Variants in PTCH1 observed in about 807,000 individuals in gnomAD.
PTCH1 encodes the protein protein patched homolog 1.
Under a neutral mutation model 144.6 loss-of-function variants are expected in PTCH1, and 14 were observed. The observed-to-expected ratio is 0.10, with a 90% CI of 0.06 to 0.15. The LOEUF (loss-of-function observed/expected upper bound fraction) is 0.15, where lower values mean the gene tolerates loss of function less well. Among genes scored for constraint, PTCH1 ranks in the 10% least tolerant of loss-of-function variants. PTCH1 has a pLI of 1.00. For synonymous variants in PTCH1, 833 were observed against 793.6 expected, an observed-to-expected ratio of 1.05 and a Z score of -0.83; for missense variants, 1,623 against 1,948.3, an observed-to-expected ratio of 0.83 and a Z score of 3.14.
chr9:95,508,132 A>G, intron 1 of PTCH1, 29 bp downstream of exon 1: 1 of 1,611,558 alleles, frequency 6.2e-7, no homozygotes, highest in Non-Finnish European at 8.5e-7. Flanking sequence ...GAGGGAAGAG[A>G]AAGTGGGAGG....
rs998007193 is a variant in PTCH1, at chr9:95,443,296, A to C, written c.*3097T>G. ...TAAAACTCTCTCCATCAGATAGAGC[A>C]AAAAAGAAGAGTGTCACAAGGTCAG... On this transcript the variant is annotated 3_prime_UTR_variant, in exon 24 of 24. Transcript: ENST00000331920. 2 of 152,318 alleles carry C rather than the reference A, an allele frequency of 1.3e-5. No individual in the cohort carries two copies. Among genetic ancestry groups the C allele is most frequent in the African/African-American group, 4.8e-5 (2 of 41,456 alleles). 9.4% of individuals were successfully genotyped at this position (152,318 alleles called of 1,614,324 possible). A position where few individuals can be genotyped will look rare whatever the true frequency, so the allele number is the denominator to read the frequency against.
intron 8 of PTCH1, 42 bp from the exon 9 acceptor site, chr9:95,478,228 C>A (rs775529475): frequency 1.4e-5 from 22 of 1,613,728 alleles, no homozygotes; most frequent in Non-Finnish European, 1.8e-5. Flanking sequence ...ATGCAATGAA[C>A]ACTTCCACAA....
chr9:95,512,807 C>A (rs1388783155), upstream of PTCH1, among the ~76,000 whole-genome samples: 2 of 152,202 alleles, frequency 1.3e-5, no homozygotes, highest in Non-Finnish European at 2.9e-5. Flanking sequence ...CTCTGGCACC[C>A]CTTGTGACAG....
Position 95,471,305 on chromosome 9 carries a change from G to A in PTCH1, c.1729-1374C>T, listed in dbSNP as rs546926340. 2.6e-5 allele frequency among the ~76,000 whole-genome samples: 4 copies of A among 152,326 alleles called. No individual in the cohort carries two copies. The South Asian group carries it at 6.2e-4, about 24-fold the overall frequency. On this transcript the variant is annotated intron_variant, in intron 12 of 23. Transcript: ENST00000331920. ...AACCAGCAAGCCTGAGTTCCGGAGA[G>A]ATGTCTTCCAATAATTAATTCCCTC...
intron 1 of PTCH1, among the ~76,000 whole-genome samples, chr9:95,514,810 G>C (rs758414412): frequency 5.1e-4 from 77 of 152,172 alleles, no homozygotes; most frequent in Non-Finnish European, 4.7e-4. Flanking sequence ...TGTTCAAATA[G>C]CTTCAAAGAT....
chr9:95,497,870 G>GGCTC (rs1224939238), intron 2 of PTCH1, among the ~76,000 whole-genome samples: 2 of 152,032 alleles, frequency 1.3e-5, no homozygotes, highest in Non-Finnish European at 2.9e-5. Flanking sequence ...ACCACCACTG[G>GGCTC]GCTCACTACA....
At chr9:95,502,252 C>T (rs1345254602) in intron 2 of PTCH1, among the ~76,000 whole-genome samples, 1 of 152,236 alleles carries the variant, frequency 6.6e-6, no homozygotes, top group Non-Finnish European at 1.5e-5. Flanking sequence ...GATTTTCCTG[C>T]CATCTTGGCA....
At position 95,449,827 on chromosome 9, in the gene PTCH1, G is replaced by A. The variant is rs753297713; in HGVS notation, c.3549+14C>T. The A allele has an allele frequency of 2.7e-5, 43 of 1,602,600 alleles. No homozygotes were observed. Among genetic ancestry groups the A allele is most frequent in the South Asian group, 4.4e-5 (4 of 90,792 alleles). ...GCCGGCCTACACGTGGGACATCCCC[G>A]TGTCACTACTGACCTCAGGATATGG... On this transcript the variant is annotated intron_variant, in intron 21 of 23. Coordinates refer to ENST00000331920, the MANE Select transcript of PTCH1 (RefSeq NM_000264.5). The surrounding 1 kb of genome is among the most constrained non-coding windows in gnomAD (Gnocchi z 5.3).
At chr9:95,460,607 GGAGA>G (rs1343723249) in intron 16 of PTCH1, among the ~76,000 whole-genome samples, 1 of 152,170 alleles carries the variant, frequency 6.6e-6, no homozygotes, top group African/African-American at 2.4e-5. Context: ...GAAGGAGCAG[GGAGA>G]GAGTGAGAGA....
chr9:95,444,322 GGAGC>G lies in PTCH1; in HGVS notation c.*2067_*2070del, dbSNP rs1393547389. The G allele has an allele frequency of 1.3e-5, 2 of 152,264 alleles. No individual in the cohort carries two copies. Among genetic ancestry groups the G allele is most frequent in the Non-Finnish European group, 2.9e-5 (2 of 68,162 alleles). 9.4% of individuals were successfully genotyped at this position (152,264 alleles called of 1,614,324 possible). On this transcript the variant is annotated 3_prime_UTR_variant, in exon 24 of 24. Coordinates refer to ENST00000331920, the MANE Select transcript of PTCH1 (RefSeq NM_000264.5). ...CGCAACACGAGCTGGGCTCAGGAAG[GGAGC>G]GAGGGCACGCCAGGAGCCAGAGGGA...
At chr9:95,460,260 T>G (rs1839346547) in intron 16 of PTCH1, among the ~76,000 whole-genome samples, 1 of 152,204 alleles carries the variant, frequency 6.6e-6, no homozygotes, top group Admixed American at 6.5e-5. Context: ...ACTAGCCTCC[T>G]ATGACCTGTG....
rs535776134 is a variant in PTCH1, at chr9:95,470,812, C to T, written c.1729-881G>A. Among the ~76,000 whole-genome samples the T allele has an allele frequency of 1.4e-4, 22 of 152,198 alleles. 1 individual carries two copies. The highest frequency in any genetic ancestry group is 4.3e-4 in the African/African-American group (18 of 41,558). ...AAACGAGGCCAGGCGCGGTGGCTCACGCCTATAATCCCAGCACTTTGCGAG... is the reference window on the plus strand; with the variant it reads ...AAACGAGGCCAGGCGCGGTGGCTCATGCCTATAATCCCAGCACTTTGCGAG... On this transcript the variant is annotated intron_variant, in intron 12 of 23. Transcript: ENST00000331920.
intron 7 of PTCH1, 120 bp from the exon 8 acceptor site, chr9:95,479,267 G>C: frequency 7.8e-7 from 1 of 1,286,532 alleles, no homozygotes; most frequent in Admixed American, 1.7e-5. Context: ...TTCTCTGTGA[G>C]CACATGTTTC....
Position 95,446,967 on chromosome 9 carries a change from A to G in PTCH1, c.4289T>C (p.Ile1430Thr), listed in dbSNP as rs556722778. 1.1e-5 allele frequency: 17 copies of G among 1,614,188 alleles called. 1 individual carries two copies. The highest frequency in any genetic ancestry group is 1.7e-5 in the Admixed American group (1 of 60,030). The change falls in exon 23 of 24, where the codon ATT (isoleucine) becomes ACT (threonine). Residue 1430 changes from isoleucine to threonine, a missense_variant. Ile to Thr is a moderately conservative substitution (Grantham distance 89). Transcript: ENST00000331920. ...CERRDSKVEV[I>T]ELQDVECEER... is the part of the protein sequence containing the mutation. ...CTCGCATTCCACGTCCTGCAGCTCA[A>G]TGACTTCCACCTTCGAATCCCTCCT...
chr9:95,510,337 C>G (rs1445947617), upstream of PTCH1, among the ~76,000 whole-genome samples: 2 of 152,274 alleles, frequency 1.3e-5, no homozygotes, highest in South Asian at 2.1e-4. Context: ...TGCCCCGATG[C>G]TGGATTCATT....
chr9:95,446,225 G>T lies in PTCH1; in HGVS notation c.*168C>A, dbSNP rs769353632. The T allele has an allele frequency of 2.2e-4, 85 of 388,496 alleles. No individual in the cohort carries two copies. Among genetic ancestry groups the T allele is most frequent in the Non-Finnish European group, 3.7e-4 (73 of 198,714 alleles). 24.1% of individuals were successfully genotyped at this position (388,496 alleles called of 1,614,324 possible). On this transcript the variant is annotated 3_prime_UTR_variant, in exon 24 of 24. Transcript: ENST00000331920. ...TGTGTACATCTCTTAAATATTTATA[G>T]AAATATTTAACAAAATAATACAATC... is the stretch of plus-strand genomic sequence containing the variant.
chr9:95,455,858 G>A (rs1838871385), intron 19 of PTCH1, among the ~76,000 whole-genome samples: 1 of 152,194 alleles, frequency 6.6e-6, no homozygotes, highest in Admixed American at 6.5e-5. Context: ...GCCTGTGAGT[G>A]TGGTCTCATT....
intron 15 of PTCH1, among the ~76,000 whole-genome samples, chr9:95,464,649 CAT>C (rs1336628997): frequency 1.3e-5 from 2 of 151,966 alleles, no homozygotes; most frequent in East Asian, 1.9e-4. Context: ...TAAGATGTGA[CAT>C]GTGGGATAGT....
At chr9:95,493,745 C>T (rs1224687637) in intron 2 of PTCH1, among the ~76,000 whole-genome samples, 1 of 151,996 alleles carries the variant, frequency 6.6e-6, no homozygotes, top group Admixed American at 6.6e-5. Flanking sequence ...GTACAAATCT[C>T]TAAGCGGGTG....
Sources: allele counts gnomAD v4.1 joint callset (sites outside exome capture counted in the v4.1 genomes callset), GRCh38; gene constraint gnomAD v4.1.1; non-coding constraint Gnocchi (gnomAD v3.1); transcripts MANE v1.5; gene names NCBI Gene and HGNC (gene_info 2026-07-23, HGNC 2026-07-21).